AKAP6: variants seen among roughly 807,000 people sequenced by gnomAD.
The protein encoded by AKAP6 is A-kinase anchor protein 6.
AKAP6 carries 58 observed loss-of-function variants against 188.5 expected under a neutral mutation model. The observed-to-expected ratio is 0.31, with a 90% CI of 0.25 to 0.38. AKAP6 has a LOEUF of 0.38. Among genes scored for constraint, AKAP6 ranks in the 10% least tolerant of loss-of-function variants. AKAP6 has a pLI of 1.00. For synonymous variants in AKAP6, 989 were observed against 998.6 expected, an observed-to-expected ratio of 0.99 and a Z score of 0.18; for missense variants, 2,710 against 2,740.0, an observed-to-expected ratio of 0.99 and a Z score of 0.24.
At chr14:32,699,774 G>A (rs1252740645) in intron 9 of AKAP6, among the ~76,000 whole-genome samples, 5 of 152,058 alleles carry the variant, frequency 3.3e-5, no homozygotes, top group African/African-American at 1.2e-4. Context: ...GAATTACCTC[G>A]AAGGAGAATT....
chr14:32,552,295 A>G (rs1213465393), intron 4 of AKAP6, among the ~76,000 whole-genome samples: 2 of 152,242 alleles, frequency 1.3e-5, no homozygotes, highest in African/African-American at 2.4e-5. Context: ...ACTTGGGAAT[A>G]GATGAATTCC....
intron 2 of AKAP6, chr14:32,473,947 G>T (rs1367865669): frequency 2.0e-5 from 3 of 152,462 alleles, no homozygotes; most frequent in African/African-American, 7.2e-5. Flanking sequence ...ACCCAGGCTG[G>T]AGTGCGGTGG....
chr14:32,564,296 T>C (rs1372800798), intron 4 of AKAP6, among the ~76,000 whole-genome samples: 2 of 152,228 alleles, frequency 1.3e-5, no homozygotes, highest in Non-Finnish European at 2.9e-5. Flanking sequence ...GAGGGCCGAC[T>C]GTATTTATAA....
Position 32,620,663 on chromosome 14 carries a change from G to A in AKAP6, c.2730+19871G>A, listed in dbSNP as rs180813139. Among the ~76,000 whole-genome samples the A allele has an allele frequency of 5.3e-5, 8 of 152,058 alleles. No homozygotes were observed. The East Asian group carries it at 1.2e-3, about 22-fold the overall frequency. On this transcript the variant is annotated intron_variant, in intron 7 of 13. Transcript: ENST00000280979. ...GTCCTTTTCTGGCTTTGGTATTAGG[G>A]TAATACTGGCTTCATAGAATGAGTT... is the stretch of plus-strand genomic sequence containing the variant.
rs1358082113 is a variant in AKAP6, at chr14:32,499,751, T to C, written c.325-35803T>C. Among the ~76,000 whole-genome samples, 3 of 151,758 alleles carry C rather than the reference T, an allele frequency of 2.0e-5. No homozygotes were observed. In the South Asian group the frequency reaches 6.2e-4, roughly 31 times the overall value. ...AAAATGATACTGAATATTATTAATATATATTTTACATGTTTAATTTTTCAA... is the reference window on the plus strand; with the variant it reads ...AAAATGATACTGAATATTATTAATACATATTTTACATGTTTAATTTTTCAA... On this transcript the variant is annotated intron_variant, in intron 2 of 13. Coordinates refer to ENST00000280979, the MANE Select transcript of AKAP6 (RefSeq NM_004274.5).
At chr14:32,806,466 T>C (rs7147339) in intron 12 of AKAP6, among the ~76,000 whole-genome samples, 59,273 of 151,950 alleles carry the variant, frequency 0.39, 11,733 homozygotes, top group Non-Finnish European at 0.42. Context: ...TGCTTGAGGC[T>C]AGGAATTAGA....
At chr14:32,402,850 C>T (rs1477607471) in intron 1 of AKAP6, among the ~76,000 whole-genome samples, 2 of 152,096 alleles carry the variant, frequency 1.3e-5, no homozygotes, top group Non-Finnish European at 2.9e-5. Context: ...TTGCCTCAGC[C>T]TCCTGAGTAG....
At chr14:32,718,746 A>G (rs1322623943) in intron 9 of AKAP6, among the ~76,000 whole-genome samples, 4 of 152,218 alleles carry the variant, frequency 2.6e-5, no homozygotes, top group Non-Finnish European at 5.9e-5. Context: ...TGAAGCTCAA[A>G]GATAAAGCAA....
At chr14:32,779,413 A>C (rs1180889218) in intron 12 of AKAP6, among the ~76,000 whole-genome samples, 1 of 90,890 alleles carries the variant, frequency 1.1e-5, no homozygotes, top group Admixed American at 1.4e-4. Flanking sequence ...CTGTCTCAGG[A>C]CCAAAAAAAA....
chr14:32,583,879 C>T (rs1394903479), intron 5 of AKAP6, among the ~76,000 whole-genome samples: 1 of 152,204 alleles, frequency 6.6e-6, no homozygotes, highest in African/African-American at 2.4e-5. Context: ...TGCCATCTGT[C>T]ACTCCTTTCT....
rs143846320 is a variant in AKAP6, at chr14:32,441,025, A to G, written c.324+7208A>G. ...AAGGTTACAGGGAGCTACGGCAGCA[A>G]CAAGGTGCCATATTGGAAGCAGAGA... is the stretch of plus-strand genomic sequence containing the variant. On this transcript the variant is annotated intron_variant, in intron 2 of 13. Transcript: ENST00000280979. 3.0e-3 allele frequency among the ~76,000 whole-genome samples: 452 copies of G among 152,306 alleles called. 1 individual carries two copies. Among genetic ancestry groups the G allele is most frequent in the African/African-American group, 9.6e-3 (398 of 41,562 alleles).
At chr14:32,439,516 A>G (rs77793775) in intron 2 of AKAP6, among the ~76,000 whole-genome samples, 3,952 of 152,302 alleles carry the variant, frequency 0.026, 59 homozygotes, top group East Asian at 0.078. Flanking sequence ...GGACCTCCCC[A>G]GTGGCTGAAG....
chr14:32,414,777 T>G (rs1035616918), intron 1 of AKAP6, among the ~76,000 whole-genome samples: 7 of 152,180 alleles, frequency 4.6e-5, no homozygotes, highest in African/African-American at 1.4e-4. Flanking sequence ...TAGCCAAGTT[T>G]AAAAGAGAAT....
chr14:32,773,871 A>G lies in AKAP6; in HGVS notation c.3566A>G (p.Gln1189Arg), dbSNP rs1447559021. 1 of 1,614,092 alleles carries G rather than the reference A, an allele frequency of 6.2e-7. No individual in the cohort carries two copies. Among genetic ancestry groups the G allele is most frequent in the East Asian group, 2.2e-5 (1 of 44,872 alleles). Reference protein sequence around the residue: ...MQAVQWQTRLQKKMGKESETL... With the variant: ...MQAVQWQTRLRKKMGKESETL... ...GCCGTCCAGTGGCAAACACGTCTAC[A>G]AAAGAAGATGGGAAAGGAATCTGTG... The change falls in exon 12 of 14, where the codon CAA becomes CGA. Residue 1189 changes from glutamine to arginine, a missense_variant. Gln to Arg is a conservative substitution (Grantham distance 43). This residue lies in a region of AKAP6 where 2,473 missense variants were observed against 2,426.1 expected (regional missense o/e 1.02). Coordinates refer to ENST00000280979, the MANE Select transcript of AKAP6 (RefSeq NM_004274.5).
chr14:32,546,709 G>A lies in AKAP6; in HGVS notation c.2056G>A (p.Val686Ile), dbSNP rs766772768. The change falls in exon 4 of 14, where the codon GTC (valine) becomes ATC (isoleucine). Residue 686 changes from valine to isoleucine, a missense_variant. This residue lies in a region of AKAP6 where 2,473 missense variants were observed against 2,426.1 expected (regional missense o/e 1.02). Coordinates refer to ENST00000280979, the MANE Select transcript of AKAP6 (RefSeq NM_004274.5). ...TTCTGAAATCTATCCAACCTATCAT[G>A]TCAAAAAGAAGCATACAAGGCTAGG... ...SDSEIYPTYH[V>I]KKKHTRLGRV... The A allele has an allele frequency of 2.5e-6, 4 of 1,614,074 alleles. No homozygotes were observed. The Admixed American group carries it at 6.7e-5, about 27-fold the overall frequency.
At chr14:32,456,683 TA>T (rs1404507163) in intron 2 of AKAP6, among the ~76,000 whole-genome samples, 5 of 152,156 alleles carry the variant, frequency 3.3e-5, no homozygotes, top group Non-Finnish European at 5.9e-5. Flanking sequence ...TACCTTAAAT[TA>T]TCATGTATCT....
In AKAP6 at chr14:32,456,472, T is replaced by C. The variant is rs1891149680; in HGVS notation, c.324+22655T>C. Among the ~76,000 whole-genome samples, 6 of 152,216 alleles carry C rather than the reference T, an allele frequency of 3.9e-5. No individual in the cohort carries two copies. In the South Asian group the frequency reaches 1.2e-3, roughly 32 times the overall value. ...ATTTAAACAAATCACCAAATACAAC[T>C]GTTTTCAGAAGTAAACATGCAAAAT... is the stretch of plus-strand genomic sequence containing the variant. On this transcript the variant is annotated intron_variant, in intron 2 of 13. Transcript: ENST00000280979.
intron 12 of AKAP6, among the ~76,000 whole-genome samples, chr14:32,816,687 C>G (rs996340243): frequency 1.3e-5 from 2 of 152,182 alleles, no homozygotes; most frequent in African/African-American, 4.8e-5. Context: ...TTTTCTCCCA[C>G]CTCTCCATCA....
chr14:32,816,439 T>C (rs946119173), intron 12 of AKAP6, among the ~76,000 whole-genome samples: 2 of 152,132 alleles, frequency 1.3e-5, no homozygotes, highest in Non-Finnish European at 2.9e-5. Context: ...CAAGCGATCC[T>C]CCTGCCTCAG....
Sources: allele counts gnomAD v4.1 joint callset (sites outside exome capture counted in the v4.1 genomes callset), GRCh38; gene constraint gnomAD v4.1.1; regional missense constraint gnomAD v4.1.1; transcripts MANE v1.5; gene names NCBI Gene and HGNC (gene_info 2026-07-23, HGNC 2026-07-21).